ANKRD30A: variants seen among roughly 807,000 people sequenced by gnomAD.
The protein encoded by ANKRD30A is ankyrin repeat domain-containing protein 30A.
A neutral mutation model predicts 166.3 loss-of-function variants in ANKRD30A; 170 were observed. That is an observed-to-expected ratio of 1.02 (90% CI 0.90 to 1.16). The LOEUF is 1.16. ANKRD30A is among the 50% of genes most tolerant of loss of function. ANKRD30A has a pLI of 0.00. For synonymous variants in ANKRD30A, 564 were observed against 508.9 expected (o/e 1.11, Z -1.46); for missense variants, 1,630 against 1,518.0 (o/e 1.07, Z -1.23).
intron 25 of ANKRD30A, among the ~76,000 whole-genome samples, chr10:37,190,641 T>C (rs1225229700): frequency 1.3e-5 from 2 of 151,724 alleles, no homozygotes; most frequent in African/African-American, 2.4e-5. Context: ...CTAGATGATT[T>C]TGGATTTTCT....
Position 37,231,571 on chromosome 10 carries a change from T to C in ANKRD30A, c.*102T>C. The C allele has an allele frequency of 1.1e-6, 1 of 921,536 alleles. No individual in the cohort carries two copies. The highest frequency in any genetic ancestry group is 1.6e-6 in the Non-Finnish European group (1 of 626,228). The allele number at this position is 921,536 out of a possible 1,614,324, so 57.1% of individuals were successfully genotyped here. A position where few individuals can be genotyped will look rare whatever the true frequency, so the allele number is the denominator to read the frequency against. On this transcript the variant is annotated 3_prime_UTR_variant, in exon 35 of 36. Coordinates refer to ENST00000361713, the MANE Select transcript of ANKRD30A (RefSeq NM_052997.3). ...TCCTAGCATCACCTTATGTTGAAAA[T>C]CTTACCAATAGTCTGTGTCAACAGA...
chr10:37,238,711 G>A, the ANKRD30A span, among the ~76,000 whole-genome samples: 1 of 152,042 alleles, frequency 6.6e-6, no homozygotes, highest in Non-Finnish European at 1.5e-5. Flanking sequence ...GAGCTTTTGG[G>A]GAAAAGATAA....
intron 13 of ANKRD30A, among the ~76,000 whole-genome samples, chr10:37,155,961 G>T (rs1588816316): frequency 6.6e-6 from 1 of 151,790 alleles, no homozygotes; most frequent in Non-Finnish European, 1.5e-5. Context: ...GGTGCCTGTA[G>T]TCCCAGCTAC....
rs1196440340 is a variant in ANKRD30A at position 37,141,873 on chromosome 10, G to A, written c.976G>A (p.Asp326Asn). 1 of 1,605,262 alleles carries A rather than the reference G, an allele frequency of 6.2e-7. No homozygotes were observed. The highest frequency in any genetic ancestry group is 8.5e-7 in the Non-Finnish European group (1 of 1,177,156). Residue 326 changes from aspartate to asparagine, a missense_variant, in exon 7 of 36, where the codon GAT becomes AAT. This residue lies in a region of ANKRD30A where 904 missense variants were observed against 818.5 expected (regional missense o/e 1.10). Transcript: ENST00000361713. ...TGAAAGCTTGGTGGAAAAAACACCTGATGAGGCTGCATCCTTGGTGGAGGG... is the reference window on the plus strand; with the variant it reads ...TGAAAGCTTGGTGGAAAAAACACCTAATGAGGCTGCATCCTTGGTGGAGGG... ...TAESLVEKTPDEAASLVEGTS... is the reference protein window; with the variant it reads ...TAESLVEKTPNEAASLVEGTS...
At chr10:37,183,167 A>C (rs2132642157) in intron 24 of ANKRD30A, among the ~76,000 whole-genome samples, 1 of 149,482 alleles carries the variant, frequency 6.7e-6, no homozygotes, top group South Asian at 2.2e-4. Flanking sequence ...TTAAAATGAA[A>C]ATATTTAAAA....
At chr10:37,143,164 T>C (rs1215651552) in intron 7 of ANKRD30A, among the ~76,000 whole-genome samples, 1 of 152,206 alleles carries the variant, frequency 6.6e-6, no homozygotes, top group Non-Finnish European at 1.5e-5. Flanking sequence ...GAATACTGAA[T>C]ATCTAAAGAA....
At chr10:37,179,505 A>C (rs567643719) in intron 24 of ANKRD30A, among the ~76,000 whole-genome samples, 1 of 151,054 alleles carries the variant, frequency 6.6e-6, no homozygotes, top group African/African-American at 2.4e-5. Flanking sequence ...GGGAATGAAT[A>C]CCCATATTCC....
chr10:37,250,444 C>T, the ANKRD30A span, among the ~76,000 whole-genome samples: 2 of 152,172 alleles, frequency 1.3e-5, no homozygotes, highest in South Asian at 4.2e-4. Flanking sequence ...GAACTTGACT[C>T]TCCTTTGCCA....
chr10:37,219,749 A>G lies in ANKRD30A; in HGVS notation c.4037A>G (p.Asn1346Ser). 1 of 1,609,044 alleles carries G rather than the reference A, an allele frequency of 6.2e-7. No homozygotes were observed. The highest frequency in any genetic ancestry group is 8.5e-7 in the Non-Finnish European group (1 of 1,176,904). Residue 1346 changes from asparagine (N) to serine (S), a missense_variant, in exon 34 of 36, where the codon AAC (asparagine) becomes AGC (serine). Asn to Ser is a conservative substitution (Grantham distance 46). Coordinates refer to ENST00000361713, the MANE Select transcript of ANKRD30A (RefSeq NM_052997.3). The part of the protein sequence containing the change: ...QLVHAHKKAD[N>S]KSKITIDIHF... ...GTTCATGCACATAAGAAAGCTGACAACAAAAGCAAGATAACAATTGATATT... is the reference window on the plus strand; with the variant it reads ...GTTCATGCACATAAGAAAGCTGACAGCAAAAGCAAGATAACAATTGATATT...
intron 25 of ANKRD30A, among the ~76,000 whole-genome samples, chr10:37,191,680 G>C (rs1840588839): frequency 6.6e-6 from 1 of 151,888 alleles, no homozygotes; most frequent in Non-Finnish European, 1.5e-5. Context: ...TTTGTTCAGC[G>C]ATTAGCTTGT....
intron 24 of ANKRD30A, among the ~76,000 whole-genome samples, chr10:37,178,862 T>C (rs1426379015): frequency 1.3e-5 from 2 of 150,814 alleles, no homozygotes; most frequent in African/African-American, 4.8e-5. Context: ...TGAAGGAAAA[T>C]GGAGTGAGCT....
intron 13 of ANKRD30A, among the ~76,000 whole-genome samples, chr10:37,156,380 T>A (rs1359785207): frequency 2.6e-5 from 4 of 151,088 alleles, no homozygotes; most frequent in Admixed American, 2.6e-4. Flanking sequence ...ATAAAAGTAA[T>A]AAAAAAAAAC....
chr10:37,228,897 A>G (rs1181900927), intron 34 of ANKRD30A, among the ~76,000 whole-genome samples: 1 of 152,002 alleles, frequency 6.6e-6, no homozygotes, highest in African/African-American at 2.4e-5. Flanking sequence ...ATTGCCCACA[A>G]TTTAGTGGGT....
intron 15 of ANKRD30A, among the ~76,000 whole-genome samples, chr10:37,160,064 T>C (rs573201699): frequency 6.6e-6 from 1 of 152,328 alleles, no homozygotes; most frequent in South Asian, 2.1e-4. Context: ...CCTTGTTTGC[T>C]TATCGAATAT....
Position 37,130,199 on chromosome 10 carries a change from T to C in ANKRD30A, c.337-6T>C. On this transcript the variant is annotated splice_region_variant and splice_polypyrimidine_tract_variant and intron_variant, in intron 2 of 35. Coordinates refer to ENST00000361713, the MANE Select transcript of ANKRD30A (RefSeq NM_052997.3). ...TTTACAATAATTCTTGCTTTAATAC[T>C]GACAGGCTCTACAATGCCATCAGGA... The C allele has an allele frequency of 6.4e-7, 1 of 1,567,264 alleles. No homozygotes were observed. Among genetic ancestry groups the C allele is most frequent in the African/African-American group, 1.4e-5 (1 of 71,870 alleles).
In ANKRD30A at chr10:37,178,039, G is replaced by T. The variant is rs571268649; in HGVS notation, c.2421+1821G>T. ...AGAAAGTAGTAATAGAGTAAATGAA[G>T]ACTGAGAAAGACAGAGCGTACAGAG... On this transcript the variant is annotated intron_variant, in intron 24 of 35. Coordinates refer to ENST00000361713, the MANE Select transcript of ANKRD30A (RefSeq NM_052997.3). Among the ~76,000 whole-genome samples, 112 of 151,210 alleles carry T rather than the reference G, an allele frequency of 7.4e-4. 5 individuals are homozygous for T. Among genetic ancestry groups the T allele is most frequent in the Middle Eastern group, 6.8e-3 (2 of 294 alleles).
At chr10:37,230,263 A>T (rs1365858384) in intron 34 of ANKRD30A, among the ~76,000 whole-genome samples, 1 of 152,162 alleles carries the variant, frequency 6.6e-6, no homozygotes, top group South Asian at 2.1e-4. Context: ...TAGAAAGTAA[A>T]TTAAGCTCAT....
chr10:37,195,340 G>A (rs890469764), intron 27 of ANKRD30A, among the ~76,000 whole-genome samples: 1 of 152,030 alleles, frequency 6.6e-6, no homozygotes, highest in Non-Finnish European at 1.5e-5. Flanking sequence ...GTGTCTCATG[G>A]CGCTGTGCTC....
At chr10:37,252,908 T>G in the ANKRD30A span, among the ~76,000 whole-genome samples, 1 of 152,244 alleles carries the variant, frequency 6.6e-6, no homozygotes, top group Non-Finnish European at 1.5e-5. Flanking sequence ...CCATAAAATA[T>G]GAAACACATT....
Sources: gnomAD v4.1 joint callset for allele counts (sites outside exome capture counted in the v4.1 genomes callset) on GRCh38, gnomAD v4.1.1 for gene constraint, gnomAD v4.1.1 regional missense constraint, MANE v1.5 for transcripts, NCBI Gene and HGNC (gene_info 2026-07-23, HGNC 2026-07-21) for gene names.